The following RALGAPA1 variants were observed in gnomAD, a reference collection of about 807,000 sequenced individuals.
RALGAPA1 encodes Ral GTPase activating protein catalytic subunit alpha 1.
RALGAPA1 carries 52 observed loss-of-function variants against 269.6 expected under a neutral mutation model. That is an observed-to-expected ratio of 0.19 (90% CI 0.15 to 0.24). RALGAPA1 has a LOEUF of 0.24. RALGAPA1 is among the 10% of genes least tolerant of loss of function. The probability of loss-of-function intolerance (pLI) is 1.00; values close to 1 mark genes in which losing one functional copy is unlikely to be tolerated. For synonymous variants in RALGAPA1, 817 were observed against 1,008.3 expected (o/e 0.81, Z 3.60); for missense variants, 1,917 against 3,013.9 (o/e 0.64, Z 8.52).
intron 41 of RALGAPA1, chr14:35,541,818 G>A: frequency 2.2e-6 from 1 of 457,550 alleles, no homozygotes; most frequent in Non-Finnish European, 4.4e-6. Flanking sequence ...TGTTGTGAAT[G>A]AAGAAATGGA....
intron 37 of RALGAPA1, among the ~76,000 whole-genome samples, chr14:35,586,759 C>T (rs563933764): frequency 6.6e-6 from 1 of 152,250 alleles, no homozygotes; most frequent in African/African-American, 2.4e-5. Flanking sequence ...TGCTGGATTA[C>T]GTTCATTGAT....
intron 37 of RALGAPA1, among the ~76,000 whole-genome samples, chr14:35,577,823 T>C (rs988159955): frequency 6.6e-6 from 1 of 152,250 alleles, no homozygotes; most frequent in Admixed American, 6.5e-5. Context: ...AACAACTAAT[T>C]ATAATCACTC....
Position 35,669,893 on chromosome 14 carries a change from C to T in RALGAPA1, c.5202+1496G>A, listed in dbSNP as rs151193533. ...TTAATAACCACAAAAGGGCTCAGTA[C>T]AATGTTGAGTAGTACTAGGTGCTAA... On this transcript the variant is annotated intron_variant, in intron 26 of 41. Coordinates refer to ENST00000680220, the MANE Select transcript of RALGAPA1 (RefSeq NM_001346249.2). Among the ~76,000 whole-genome samples the T allele has an allele frequency of 2.0e-4, 30 of 152,214 alleles. 1 individual carries two copies. The East Asian group carries it at 5.8e-3, about 29-fold the overall frequency.
intron 16 of RALGAPA1, chr14:35,715,607 T>C (rs538232378): frequency 9.4e-6 from 4 of 426,496 alleles, no homozygotes; most frequent in African/African-American, 6.5e-5. Flanking sequence ...TCATATTTGG[T>C]TGATTCTAAT....
At chr14:35,611,923 T>C (rs1477270694) in intron 35 of RALGAPA1, among the ~76,000 whole-genome samples, 1 of 152,218 alleles carries the variant, frequency 6.6e-6, no homozygotes, top group Non-Finnish European at 1.5e-5. Flanking sequence ...ATAGTAATGA[T>C]GTAAGATGAG....
chr14:35,572,746 T>G lies in RALGAPA1; in HGVS notation c.7210-28A>C. ...GGAAAGACAAGAAAACAATTTATACTGCTTTAAAAGCTCTTTGAGTACAGT... is the reference window on the plus strand; with the variant it reads ...GGAAAGACAAGAAAACAATTTATACGGCTTTAAAAGCTCTTTGAGTACAGT... On this transcript the variant is annotated intron_variant, in intron 37 of 41. Transcript: ENST00000680220. 1.9e-6 allele frequency: 3 copies of G among 1,560,716 alleles called. No individual in the cohort carries two copies. The Admixed American group carries it at 5.5e-5, about 29-fold the overall frequency.
Position 35,688,875 on chromosome 14 carries a change from C to A in RALGAPA1, c.3536G>T (p.Arg1179Leu). ...ACCACTACTAAAGCCACCGAGCTTC[C>A]GCAGTCTCATCTTCCATGGAGCCTC... is the stretch of plus-strand genomic sequence containing the variant. ...NKEAPWKMRL[R>L]KLGGFSSGSS... The change falls in exon 18 of 42, where the codon CGG becomes CTG. Residue 1179 changes from arginine (R) to leucine (L), a missense_variant. This residue lies in a region of RALGAPA1 where 615 missense variants were observed against 790.0 expected (regional missense o/e 0.78). Transcript: ENST00000680220. The A allele has an allele frequency of 7.8e-7, 1 of 1,280,552 alleles. No individual in the cohort carries two copies. Among genetic ancestry groups the A allele is most frequent in the Non-Finnish European group, 9.8e-7 (1 of 1,016,326 alleles). 79.3% of individuals were successfully genotyped at this position (1,280,552 alleles called of 1,614,324 possible). A position where few individuals can be genotyped will look rare whatever the true frequency, so the allele number is the denominator to read the frequency against.
chr14:35,619,883 G>C (rs923309065), intron 35 of RALGAPA1, among the ~76,000 whole-genome samples: 1 of 152,046 alleles, frequency 6.6e-6, no homozygotes, highest in Non-Finnish European at 1.5e-5. Flanking sequence ...AACAGTCCAG[G>C]ACTACAAACC....
In RALGAPA1 at chr14:35,750,527, A is replaced by G; in HGVS notation, c.966T>C (p.Pro322=). 1 of 1,612,980 alleles carries G rather than the reference A, an allele frequency of 6.2e-7. No homozygotes were observed. Among genetic ancestry groups the G allele is most frequent in the Non-Finnish European group, 8.5e-7 (1 of 1,179,292 alleles). ...CTTCACCTTCCATCCCAGGAATATG[A>G]GGTCCTGTATGTGGTTTTGGCTCCA... ...FWLEPKPHTG[P]HIPGMEGEVL... is the part of the protein sequence containing the mutation. The change falls in exon 9 of 42, where the codon CCT becomes CCC. Residue 322 remains proline (P), a synonymous_variant. Coordinates refer to ENST00000680220, the MANE Select transcript of RALGAPA1 (RefSeq NM_001346249.2).
At chr14:35,591,388 A>T (rs1395929863) in intron 37 of RALGAPA1, among the ~76,000 whole-genome samples, 1 of 152,080 alleles carries the variant, frequency 6.6e-6, no homozygotes, top group East Asian at 1.9e-4. Context: ...TGACCATGGC[A>T]CACTGTAGCC....
intron 39 of RALGAPA1, among the ~76,000 whole-genome samples, chr14:35,562,054 G>T (rs954473722): frequency 6.6e-6 from 1 of 152,068 alleles, no homozygotes; most frequent in South Asian, 2.1e-4. Flanking sequence ...ATACATCTTA[G>T]TTAAAAATCA....
intron 24 of RALGAPA1, among the ~76,000 whole-genome samples, chr14:35,673,480 GC>G (rs1216653212): frequency 6.6e-6 from 1 of 152,174 alleles, no homozygotes; most frequent in African/African-American, 2.4e-5. Context: ...GATTGCTTGA[GC>G]CCAGGAGTTC....
intron 36 of RALGAPA1, 56 bp downstream of exon 36, chr14:35,605,526 AAAAG>A (rs2139195042): frequency 6.7e-7 from 1 of 1,496,492 alleles, no homozygotes. Flanking sequence ...GCTAGGAAAA[AAAAG>A]AAAAATAAGC....
intron 39 of RALGAPA1, among the ~76,000 whole-genome samples, chr14:35,554,332 CACTT>C (rs1472885383): frequency 1.2e-4 from 17 of 144,908 alleles, no homozygotes; most frequent in African/African-American, 4.1e-4. Context: ...CTACTAAATA[CACTT>C]TCTTTTTTTT....
intron 29 of RALGAPA1, among the ~76,000 whole-genome samples, chr14:35,654,930 C>T (rs1340633908): frequency 6.6e-6 from 1 of 152,152 alleles, no homozygotes; most frequent in Admixed American, 6.5e-5. Flanking sequence ...CACTTCAAAC[C>T]CCAATGTGTC....
chr14:35,629,546 C>G (rs528490102), intron 33 of RALGAPA1, among the ~76,000 whole-genome samples: 2 of 152,226 alleles, frequency 1.3e-5, no homozygotes, highest in African/African-American at 4.8e-5. Context: ...CTCTGTCTCC[C>G]AGGCTGGAGT....
intron 22 of RALGAPA1, among the ~76,000 whole-genome samples, chr14:35,675,174 G>T (rs2064835500): frequency 6.6e-6 from 1 of 152,018 alleles, no homozygotes; most frequent in South Asian, 2.1e-4. Flanking sequence ...TAGCATAATG[G>T]CATGAAAAAT....
At chr14:35,560,726 CTG>C (rs2056132320) in intron 39 of RALGAPA1, among the ~76,000 whole-genome samples, 1 of 152,154 alleles carries the variant, frequency 6.6e-6, no homozygotes, top group South Asian at 2.1e-4. Context: ...CACAGTTTAA[CTG>C]TAAGTAATTA....
intron 11 of RALGAPA1, among the ~76,000 whole-genome samples, chr14:35,741,591 G>A (rs2071559750): frequency 6.6e-6 from 1 of 152,092 alleles, no homozygotes; most frequent in South Asian, 2.1e-4. Context: ...AAGTGAATAA[G>A]CATTACTCAA....
Sources: allele counts gnomAD v4.1 joint callset (sites outside exome capture counted in the v4.1 genomes callset), GRCh38; gene constraint gnomAD v4.1.1; regional missense constraint gnomAD v4.1.1; transcripts MANE v1.5; gene names NCBI Gene and HGNC (gene_info 2026-07-23, HGNC 2026-07-21).